SUZ12: variants seen among roughly 807,000 people sequenced by gnomAD.
SUZ12 encodes SUZ12 polycomb repressive complex 2 subunit, also known as polycomb protein SUZ12.
Under a neutral mutation model 87.3 loss-of-function variants are expected in SUZ12, and 17 were observed. That is an observed-to-expected ratio of 0.19 (90% CI 0.13 to 0.29). SUZ12 has a LOEUF of 0.29. Ranked by LOEUF, SUZ12 falls within the 10% of genes least tolerant of loss-of-function variation. The probability of loss-of-function intolerance (pLI) is 1.00; values close to 1 mark genes in which losing one functional copy is unlikely to be tolerated. For synonymous variants in SUZ12, 253 were observed against 312.4 expected (o/e 0.81, Z 2.01); for missense variants, 526 against 912.2 (o/e 0.58, Z 5.45).
Position 31,999,439 on chromosome 17 carries a change from A to G in SUZ12, c.*436A>G, listed in dbSNP as rs1414468401. ...GAAATTGAAGTGGTCTTCATATGTCAACTACAGAAAAGGAAAAAAATAGAA... is the reference window on the plus strand; with the variant it reads ...GAAATTGAAGTGGTCTTCATATGTCGACTACAGAAAAGGAAAAAAATAGAA... On this transcript the variant is annotated 3_prime_UTR_variant, in exon 16 of 16. Transcript: ENST00000322652. 8.6e-6 allele frequency: 2 copies of G among 231,896 alleles called. No homozygotes were observed. The highest frequency in any genetic ancestry group is 1.7e-5 in the Non-Finnish European group (2 of 117,392). The allele number at this position is 231,896 out of a possible 1,614,324, so 14.4% of individuals were successfully genotyped here. A position where few individuals can be genotyped will look rare whatever the true frequency, so the allele number is the denominator to read the frequency against.
At chr17:31,954,455 C>G (rs1054138086) in intron 4 of SUZ12, among the ~76,000 whole-genome samples, 2 of 152,040 alleles carry the variant, frequency 1.3e-5, no homozygotes, top group African/African-American at 4.8e-5. Flanking sequence ...AATAAGAAGG[C>G]CTGCATCTAT....
chr17:31,943,914 T>A (rs1047248740), intron 3 of SUZ12, among the ~76,000 whole-genome samples: 2 of 152,100 alleles, frequency 1.3e-5, no homozygotes, highest in Middle Eastern at 6.8e-3. Flanking sequence ...GTCAGGCTGG[T>A]CTCAAACTCC....
At chr17:31,984,972 A>G (rs1410502054) in intron 9 of SUZ12, among the ~76,000 whole-genome samples, 2 of 152,148 alleles carry the variant, frequency 1.3e-5, no homozygotes, top group East Asian at 1.9e-4. Context: ...CCTGGCCAAC[A>G]TGTCAAACCA....
intron 4 of SUZ12, among the ~76,000 whole-genome samples, chr17:31,956,114 C>T (rs1432458574): frequency 1.3e-5 from 2 of 151,588 alleles, no homozygotes; most frequent in Non-Finnish European, 2.9e-5. Context: ...GGGGTTTCAC[C>T]GTGTTAGCCA....
intron 8 of SUZ12, among the ~76,000 whole-genome samples, chr17:31,979,339 A>C: frequency 6.6e-6 from 1 of 152,248 alleles, no homozygotes; most frequent in South Asian, 2.1e-4. Context: ...ACATTTTCTG[A>C]TATAACCACC....
At chr17:31,971,866 G>A (rs1908452720) in intron 5 of SUZ12, among the ~76,000 whole-genome samples, 2 of 152,178 alleles carry the variant, frequency 1.3e-5, no homozygotes, top group African/African-American at 4.8e-5. Context: ...TGTAGTCTCA[G>A]CTACTTAGGA....
chr17:31,998,597 C>T (rs1910106109), intron 15 of SUZ12, 61 bp from the exon 16 acceptor site: 4 of 1,181,960 alleles, frequency 3.4e-6, no homozygotes, highest in Non-Finnish European at 4.6e-6. Context: ...TAATGGTTAT[C>T]ACTGTTGCAT....
At chr17:31,947,503 A>C in intron 3 of SUZ12, 114 bp from the exon 4 acceptor site, 1 of 1,322,736 alleles carries the variant, frequency 7.6e-7, no homozygotes, top group South Asian at 1.3e-5. Context: ...AATTTATCTT[A>C]CTAAAAATAA....
chr17:31,956,373 T>A (rs1407244119), intron 4 of SUZ12, among the ~76,000 whole-genome samples: 1 of 152,146 alleles, frequency 6.6e-6, no homozygotes, highest in Non-Finnish European at 1.5e-5. Context: ...TTTTGTGTTT[T>A]AGTAGAGATG....
intron 10 of SUZ12, among the ~76,000 whole-genome samples, chr17:31,991,301 C>T (rs1183274630): frequency 6.6e-6 from 1 of 151,522 alleles, no homozygotes; most frequent in Non-Finnish European, 1.5e-5. Flanking sequence ...TGCTTGAAGC[C>T]CAGGAGTTCA....
intron 3 of SUZ12, among the ~76,000 whole-genome samples, chr17:31,942,573 G>A (rs765286645): frequency 1.4e-4 from 21 of 151,626 alleles, no homozygotes; most frequent in Non-Finnish European, 3.1e-4. Flanking sequence ...CTGACCTCAG[G>A]TGATCCACTC....
chr17:31,987,347 C>A (rs1432095251), intron 9 of SUZ12, among the ~76,000 whole-genome samples: 1 of 152,140 alleles, frequency 6.6e-6, no homozygotes, highest in Non-Finnish European at 1.5e-5. Context: ...GTTTACAGTT[C>A]AAGTGTAAGG....
intron 6 of SUZ12, 83 bp downstream of exon 6, chr17:31,973,314 A>T: frequency 7.7e-7 from 1 of 1,294,514 alleles, no homozygotes; most frequent in Non-Finnish European, 1.1e-6. Flanking sequence ...ATTGTATTTT[A>T]AAGCTTAGTT....
At chr17:31,978,690 T>C in intron 8 of SUZ12, among the ~76,000 whole-genome samples, 1 of 152,234 alleles carries the variant, frequency 6.6e-6, no homozygotes, top group Admixed American at 6.5e-5. Context: ...TGTTCTATTT[T>C]CTTTTTTAAT....
chr17:31,944,331 T>C (rs1906487530), intron 3 of SUZ12, among the ~76,000 whole-genome samples: 1 of 152,086 alleles, frequency 6.6e-6, no homozygotes, highest in African/African-American at 2.4e-5. Context: ...TTTCTCCATG[T>C]TGGTCAGGCT....
chr17:31,973,860 A>G (rs1320914530), intron 6 of SUZ12, among the ~76,000 whole-genome samples: 1 of 152,198 alleles, frequency 6.6e-6, no homozygotes, highest in African/African-American at 2.4e-5. Context: ...ACCATAGGCC[A>G]TAAGGGCCTC....
intron 4 of SUZ12, among the ~76,000 whole-genome samples, chr17:31,950,531 A>G (rs969370142): frequency 2.6e-5 from 4 of 151,936 alleles, no homozygotes; most frequent in Non-Finnish European, 5.9e-5. Context: ...AAAAAACACA[A>G]AAATCAGCCA....
At chr17:31,979,100 C>T (rs1393457044) in intron 8 of SUZ12, among the ~76,000 whole-genome samples, 3 of 76,240 alleles carry the variant, frequency 3.9e-5, no homozygotes, top group East Asian at 5.9e-4. Context: ...GAGACTGTGT[C>T]TCCAAAAAAA....
chr17:31,986,544 T>TTTTTG (rs370809527), intron 9 of SUZ12, among the ~76,000 whole-genome samples: 12 of 150,536 alleles, frequency 8.0e-5, no homozygotes, highest in South Asian at 2.1e-4. Flanking sequence ...TCTAAGTAGT[T>TTTTTG]TTTTGTTTTG....
Sources: allele counts gnomAD v4.1 joint callset (sites outside exome capture counted in the v4.1 genomes callset), GRCh38; gene constraint gnomAD v4.1.1; transcripts MANE v1.5; gene names NCBI Gene and HGNC (gene_info 2026-07-23, HGNC 2026-07-21).